Variants in XKR6 observed in about 807,000 individuals in gnomAD.
The protein encoded by XKR6 is XK-related protein 6.
Under a neutral mutation model 56.7 loss-of-function variants are expected in XKR6, and 22 were observed. The ratio of observed to expected loss-of-function variants is 0.39; its 90% CI spans 0.28 to 0.55. The LOEUF (loss-of-function observed/expected upper bound fraction) is 0.55, where lower values mean the gene tolerates loss of function less well. Ranked by LOEUF, XKR6 falls within the 20% of genes least tolerant of loss-of-function variation. XKR6 has a pLI of 0.66. For missense variants in XKR6, 852 were observed against 889.0 expected (o/e 0.96, Z 0.53); for synonymous variants, 524 against 387.8 (o/e 1.35, Z -4.13).
At chr8:11,003,415 A>T (rs1218609409) in intron 1 of XKR6, among the ~76,000 whole-genome samples, 1 of 152,126 alleles carries the variant, frequency 6.6e-6, no homozygotes, top group African/African-American at 2.4e-5. Flanking sequence ...CATTATCATA[A>T]TTATCATCAA....
chr8:11,079,899 C>T (rs1432565912), intron 1 of XKR6, among the ~76,000 whole-genome samples: 4 of 151,988 alleles, frequency 2.6e-5, no homozygotes, highest in African/African-American at 7.3e-5. Context: ...CCCAGGAGTT[C>T]GAGGCTGCAA....
At chr8:11,069,042 C>T (rs868206840) in intron 1 of XKR6, among the ~76,000 whole-genome samples, 1 of 152,046 alleles carries the variant, frequency 6.6e-6, no homozygotes, top group African/African-American at 2.4e-5. Flanking sequence ...GAGTGATTAC[C>T]GGGCCTTCCA....
intron 1 of XKR6, among the ~76,000 whole-genome samples, chr8:11,071,421 A>G (rs1399164745): frequency 6.6e-6 from 1 of 151,708 alleles, no homozygotes; most frequent in Non-Finnish European, 1.5e-5. Context: ...TTGTATTTTC[A>G]GTAGAGACAG....
At chr8:10,949,278 C>G (rs114296619) in intron 1 of XKR6, among the ~76,000 whole-genome samples, 4 of 152,254 alleles carry the variant, frequency 2.6e-5, no homozygotes, top group Admixed American at 2.0e-4. Context: ...GTCTTACGGG[C>G]CAGCTTAGTG....
intron 2 of XKR6, 138 bp from the exon 3 acceptor site, chr8:10,899,054 C>A (rs569200725): frequency 7.4e-7 from 1 of 1,352,504 alleles, no homozygotes; most frequent in Non-Finnish European, 9.9e-7. Context: ...AATCAGGAAC[C>A]GAACTTGGAG....
intron 1 of XKR6, among the ~76,000 whole-genome samples, chr8:11,061,635 A>G (rs1166382773): frequency 6.6e-6 from 1 of 152,160 alleles, no homozygotes; most frequent in East Asian, 1.9e-4. Context: ...CATGCCCTGA[A>G]AGACCACCCT....
At chr8:10,915,247 G>A (rs751425823) in intron 2 of XKR6, among the ~76,000 whole-genome samples, 2 of 152,236 alleles carry the variant, frequency 1.3e-5, no homozygotes, top group Admixed American at 1.3e-4. Flanking sequence ...TCCTGGAACC[G>A]TGCTAGGCAC....
chr8:10,995,552 G>A (rs149599551), intron 1 of XKR6, among the ~76,000 whole-genome samples: 1 of 149,944 alleles, frequency 6.7e-6, no homozygotes, highest in South Asian at 2.1e-4. Flanking sequence ...GCCAGGCATG[G>A]TGGCACACGC....
chr8:11,071,550 C>T lies in XKR6; in HGVS notation c.764+129026G>A, dbSNP rs560087503. Reference sequence around the variant, plus strand: ...CCATGAGCCCCGAGTCTATGAGCCCCGAGTCCATGAGCCCCGAGTCCATGA... The same window carrying T: ...CCATGAGCCCCGAGTCTATGAGCCCTGAGTCCATGAGCCCCGAGTCCATGA... On this transcript the variant is annotated intron_variant, in intron 1 of 2. Coordinates refer to ENST00000416569, the MANE Select transcript of XKR6 (RefSeq NM_173683.4). Among the ~76,000 whole-genome samples the T allele has an allele frequency of 7.7e-3, 948 of 123,178 alleles. 52 individuals carry two copies. The highest frequency in any genetic ancestry group is 0.032 in the African/African-American group (876 of 27,046). The allele number at this position is 123,178 out of a possible 152,430, so 80.8% of individuals were successfully genotyped here.
At position 10,954,866 on chromosome 8, in the gene XKR6, C is replaced by CCTTTTTTTTTTTTTTTTT. The variant is rs1554515116; in HGVS notation, c.765-30037_765-30036insAAAAAAAAAAAAAAAAAG. 7.5e-5 allele frequency among the ~76,000 whole-genome samples: 7 copies of CCTTTTTTTTTTTTTTTTT among 92,794 alleles called. 1 individual carries two copies. Among genetic ancestry groups the CCTTTTTTTTTTTTTTTTT allele is most frequent in the African/African-American group, 1.7e-4 (4 of 23,228 alleles). 60.9% of individuals were successfully genotyped at this position (92,794 alleles called of 152,430 possible). On this transcript the variant is annotated intron_variant, in intron 1 of 2. Coordinates refer to ENST00000416569, the MANE Select transcript of XKR6 (RefSeq NM_173683.4). ...TAAGGTAAGGGTCTAACTTCATTCT[C>CCTTTTTTTTTTTTTTTTT]TTTTTTTTTTTTTTTTTTTTAGACA...
chr8:10,974,845 C>A (rs187449169), intron 1 of XKR6, among the ~76,000 whole-genome samples: 1 of 152,278 alleles, frequency 6.6e-6, no homozygotes, highest in Non-Finnish European at 1.5e-5. Flanking sequence ...TCAGCAGGTG[C>A]AGATTTCAGC....
At chr8:10,989,023 G>C (rs559956040) in intron 1 of XKR6, among the ~76,000 whole-genome samples, 1 of 152,206 alleles carries the variant, frequency 6.6e-6, no homozygotes, top group South Asian at 2.1e-4. Context: ...CACTGAATAT[G>C]CCCATAGGCA....
At chr8:11,110,018 G>A (rs909015932) in intron 1 of XKR6, among the ~76,000 whole-genome samples, 1 of 152,102 alleles carries the variant, frequency 6.6e-6, no homozygotes, top group African/African-American at 2.4e-5. Context: ...TGTCGCCCAG[G>A]CTGGAGTGCA....
intron 1 of XKR6, among the ~76,000 whole-genome samples, chr8:11,072,454 G>A (rs1334225230): frequency 6.6e-6 from 1 of 152,094 alleles, no homozygotes; most frequent in East Asian, 1.9e-4. Context: ...CTGTTGGAGA[G>A]GCAGCAGAGC....
chr8:10,993,995 T>C (rs561011154), intron 1 of XKR6, among the ~76,000 whole-genome samples: 93 of 152,312 alleles, frequency 6.1e-4, no homozygotes, highest in African/African-American at 2.1e-3. Flanking sequence ...ATGAGGCCTA[T>C]ATCCTGTTTG....
chr8:11,178,547 A>ATATATATATATATATATATATATGT (rs1802779230), intron 1 of XKR6, among the ~76,000 whole-genome samples: 2 of 88,500 alleles, frequency 2.3e-5, no homozygotes, highest in Non-Finnish European at 4.4e-5. Flanking sequence ...GAGAGGTAAA[A>ATATATATATATATATATATATATGT]ATATATATAT....
At chr8:10,945,334 A>G (rs1801503307) in intron 1 of XKR6, among the ~76,000 whole-genome samples, 1 of 152,148 alleles carries the variant, frequency 6.6e-6, no homozygotes, top group African/African-American at 2.4e-5. Flanking sequence ...AACTACAAAA[A>G]TTAGCTGGGC....
intron 2 of XKR6, among the ~76,000 whole-genome samples, chr8:10,911,671 A>AG (rs1334034560): frequency 6.7e-6 from 1 of 148,164 alleles, no homozygotes; most frequent in African/African-American, 2.5e-5. Context: ...ATCTATAAAG[A>AG]GAAAAAGAGA....
chr8:10,900,674 C>T (rs1318821978), intron 2 of XKR6, among the ~76,000 whole-genome samples: 1 of 152,180 alleles, frequency 6.6e-6, no homozygotes, highest in Non-Finnish European at 1.5e-5. Flanking sequence ...GAACATGACA[C>T]ATGTCCTGCC....
Sources: gnomAD v4.1 joint callset for allele counts (sites outside exome capture counted in the v4.1 genomes callset) on GRCh38, gnomAD v4.1.1 for gene constraint, MANE v1.5 for transcripts, NCBI Gene and HGNC (gene_info 2026-07-23, HGNC 2026-07-21) for gene names.